Variants in MSL2 observed in about 807,000 individuals in gnomAD.
MSL2 encodes MSL complex subunit 2.
Under a neutral mutation model 35.8 loss-of-function variants are expected in MSL2, and 2 were observed. The observed-to-expected ratio is 0.06, with a 90% confidence interval of 0.02 to 0.18. The LOEUF is 0.18. MSL2 is among the 10% of genes least tolerant of loss of function. The pLI is 1.00. For missense variants in MSL2, 523 were observed against 706.7 expected, an observed-to-expected ratio of 0.74 and a Z score of 2.95; for synonymous variants, 296 against 255.7, an observed-to-expected ratio of 1.16 and a Z score of -1.50.
At chr3:136,185,359 C>T (rs2108091220) in intron 1 of MSL2, among the ~76,000 whole-genome samples, 1 of 150,064 alleles carries the variant, frequency 6.7e-6, no homozygotes, top group Middle Eastern at 3.5e-3. Flanking sequence ...TGCTTTAATC[C>T]AACAACCTCA....
chr3:136,185,379 T>C (rs1228772701), intron 1 of MSL2, among the ~76,000 whole-genome samples: 2 of 150,958 alleles, frequency 1.3e-5, no homozygotes, highest in East Asian at 3.9e-4. Flanking sequence ...ATCTTACAAA[T>C]GAAACAGAAA....
At chr3:136,193,902 A>G (rs1169433498) in intron 1 of MSL2, among the ~76,000 whole-genome samples, 1 of 152,182 alleles carries the variant, frequency 6.6e-6, no homozygotes, top group Non-Finnish European at 1.5e-5. Context: ...GCACCCATTC[A>G]GTGTCTTGCT....
rs1422271056 is a variant in MSL2 at position 136,151,917 on chromosome 3, C to T, written c.964G>A (p.Ala322Thr). 1 of 1,614,158 alleles carries T rather than the reference C, an allele frequency of 6.2e-7. No homozygotes were observed. Among genetic ancestry groups the T allele is most frequent in the Non-Finnish European group, 8.5e-7 (1 of 1,180,040 alleles). The change falls in exon 2 of 2, where the codon GCA becomes ACA. Residue 322 changes from alanine (A) to threonine (T), a missense_variant. This residue lies in a region of MSL2 where 361 missense variants were observed against 414.6 expected (regional missense o/e 0.87). Transcript: ENST00000309993. This position sits in a 1 kb window ranked among gnomAD's most constrained non-coding sequence, Gnocchi z 5.2. The part of the protein sequence containing the change: ...SHNVFMSTSP[A>T]LHGLSCTAAT... Reference sequence around the variant, plus strand: ...GCTGTACATGATAACCCATGAAGTGCAGGACTGGTGGACATAAAAACATTA... The same window carrying T: ...GCTGTACATGATAACCCATGAAGTGTAGGACTGGTGGACATAAAAACATTA...
intron 1 of MSL2, among the ~76,000 whole-genome samples, chr3:136,164,521 T>A (rs551130875): frequency 5.3e-4 from 80 of 152,212 alleles, no homozygotes; most frequent in Admixed American, 1.0e-3. Context: ...GGGTTCTCTA[T>A]ACACTTCACA....
At chr3:136,161,542 T>C (rs879305575) in intron 1 of MSL2, among the ~76,000 whole-genome samples, 6 of 152,322 alleles carry the variant, frequency 3.9e-5, no homozygotes, top group South Asian at 2.1e-4. Flanking sequence ...AGGAATAAAG[T>C]ATTGGTACAT....
chr3:136,162,205 G>A (rs1447235102), intron 1 of MSL2, among the ~76,000 whole-genome samples: 1 of 150,982 alleles, frequency 6.6e-6, no homozygotes, highest in Non-Finnish European at 1.5e-5. Context: ...CAAAGTGCTG[G>A]GATTACAGGC....
intron 1 of MSL2, chr3:136,155,650 T>A: frequency 2.3e-6 from 1 of 443,258 alleles, no homozygotes; most frequent in Non-Finnish European, 4.6e-6. Context: ...CCCATGGGGA[T>A]ACAGGACAGT....
intron 1 of MSL2, among the ~76,000 whole-genome samples, chr3:136,169,543 G>C (rs1939958608): frequency 6.6e-6 from 1 of 151,972 alleles, no homozygotes; most frequent in South Asian, 2.1e-4. Flanking sequence ...CTGCCTCCCT[G>C]GTTCAAGCAA....
chr3:136,152,246 G>A lies in MSL2; in HGVS notation c.635C>T (p.Pro212Leu). The change falls in exon 2 of 2, where the codon CCT (proline) becomes CTT (leucine). Residue 212 changes from proline (P) to leucine (L), a missense_variant. By Grantham distance (98) the Pro-to-Leu change is moderately conservative. Transcript: ENST00000309993. ...IDRFGINIPS[P>L]EHSNTIDVCN... is the part of the protein sequence containing the mutation. Reference sequence around the variant, plus strand: ...TACGTCAATCGTATTTGAATGTTCAGGTGAAGGAATATTTATACCAAATCT... The same window carrying A: ...TACGTCAATCGTATTTGAATGTTCAAGTGAAGGAATATTTATACCAAATCT... 6.2e-7 allele frequency: 1 copy of A among 1,614,102 alleles called. No individual in the cohort carries two copies. Among genetic ancestry groups the A allele is most frequent in the Non-Finnish European group, 8.5e-7 (1 of 1,179,968 alleles).
At chr3:136,165,784 G>A (rs1391416677) in intron 1 of MSL2, among the ~76,000 whole-genome samples, 1 of 151,984 alleles carries the variant, frequency 6.6e-6, no homozygotes, top group Non-Finnish European at 1.5e-5. Flanking sequence ...GGCTACAAAA[G>A]AAATAGAAAG....
chr3:136,192,560 G>C (rs1015643187), intron 1 of MSL2, among the ~76,000 whole-genome samples: 6 of 150,124 alleles, frequency 4.0e-5, no homozygotes, highest in Non-Finnish European at 5.9e-5. Context: ...GTTTTAGGCA[G>C]AAGAAAATTA....
rs1381004290 is a variant in MSL2, at chr3:136,149,957, C to G, written c.*1190G>C. The G allele has an allele frequency of 2.6e-5, 4 of 152,616 alleles. No homozygotes were observed. The highest frequency in any genetic ancestry group is 5.9e-5 in the Non-Finnish European group (4 of 68,034). The allele number at this position is 152,616 out of a possible 1,614,324, so 9.5% of individuals were successfully genotyped here. On this transcript the variant is annotated 3_prime_UTR_variant, in exon 2 of 2. Transcript: ENST00000309993. Reference sequence around the variant, plus strand: ...TTGTTTTATTTGGGCTGTGCTCTTTCAAGCAACTGACTAGATTTCCCTTCA... The same window carrying G: ...TTGTTTTATTTGGGCTGTGCTCTTTGAAGCAACTGACTAGATTTCCCTTCA...
intron 1 of MSL2, among the ~76,000 whole-genome samples, chr3:136,189,751 A>C (rs1940630894): frequency 6.7e-6 from 1 of 149,664 alleles, no homozygotes; most frequent in Non-Finnish European, 1.5e-5. Context: ...AATTCTTCCC[A>C]GATCAGAAAA....
chr3:136,193,434 C>A (rs1267832771), intron 1 of MSL2, among the ~76,000 whole-genome samples: 1 of 151,930 alleles, frequency 6.6e-6, no homozygotes, highest in Non-Finnish European at 1.5e-5. Context: ...TTCAGCAGGA[C>A]AGAGTGGGCC....
Position 136,162,821 on chromosome 3 carries a change from A to G in MSL2, c.143-10083T>C, listed in dbSNP as rs1014137524. 6.6e-5 allele frequency among the ~76,000 whole-genome samples: 10 copies of G among 152,348 alleles called. No homozygotes were observed. The East Asian group carries it at 7.7e-4, about 12-fold the overall frequency. The stretch of plus-strand genomic sequence containing the variant: ...CAAAGAGTAACTATTTCGAATGACT[A>G]TAACACAGAAAATTGGCTCAATCCT... On this transcript the variant is annotated intron_variant, in intron 1 of 1. Transcript: ENST00000309993.
intron 1 of MSL2, among the ~76,000 whole-genome samples, chr3:136,158,683 A>C (rs940900305): frequency 7.2e-5 from 11 of 152,238 alleles, no homozygotes; most frequent in Non-Finnish European, 1.6e-4. Context: ...TTGTTTTAGT[A>C]ATGGATTACA....
intron 1 of MSL2, among the ~76,000 whole-genome samples, chr3:136,170,844 T>C (rs1412626573): frequency 6.6e-6 from 1 of 152,046 alleles, no homozygotes; most frequent in Non-Finnish European, 1.5e-5. Context: ...CAAAAAAGAA[T>C]ACAAGCCTGA....
intron 1 of MSL2, among the ~76,000 whole-genome samples, chr3:136,180,800 G>A (rs377565331): frequency 0.44 from 21,531 of 48,990 alleles, 4,173 homozygotes; most frequent in Non-Finnish European, 0.5. Context: ...GAGGGAGGGA[G>A]GGAGGGAGGG....
intron 1 of MSL2, among the ~76,000 whole-genome samples, chr3:136,189,103 C>A (rs1940606092): frequency 1.2e-5 from 1 of 86,768 alleles, no homozygotes; most frequent in Non-Finnish European, 2.0e-5. Flanking sequence ...GAAACCCTGT[C>A]TCTACAAAAA....
Sources: gnomAD v4.1 joint callset for allele counts (sites outside exome capture counted in the v4.1 genomes callset) on GRCh38, gnomAD v4.1.1 for gene constraint, gnomAD v4.1.1 regional missense constraint, Gnocchi (gnomAD v3.1) non-coding constraint, MANE v1.5 for transcripts, NCBI Gene and HGNC (gene_info 2026-07-23, HGNC 2026-07-21) for gene names.